Variants in DMD observed in about 807,000 individuals in gnomAD.
The protein encoded by DMD is dystrophin.
In DMD, 63 loss-of-function variants were observed where a neutral mutation model predicts 330.1. The observed-to-expected ratio is 0.19, with a 90% CI of 0.16 to 0.24. The LOEUF is 0.24. DMD is among the 10% of genes least tolerant of loss of function. The pLI is 1.00. For missense variants in DMD, 3,344 were observed against 2,684.1 expected (o/e 1.25, Z -5.43); for synonymous variants, 1,223 against 959.8 (o/e 1.27, Z -5.07).
intron 1 of DMD, among the ~76,000 whole-genome samples, chrX:33,139,766 A>G (rs73190221): frequency 0.077 from 8,275 of 107,914 alleles, 363 homozygotes; most frequent in South Asian, 0.19. Context: ...CTTCCTGTAC[A>G]GCCTATGGAA....
chrX:31,491,128 T>C (rs1023212517), intron 57 of DMD, among the ~76,000 whole-genome samples: 3 of 112,237 alleles, frequency 2.7e-5, no homozygotes, highest in Non-Finnish European at 5.6e-5. Flanking sequence ...ATTTTTTTAA[T>C]TGAAAGATGA....
intron 2 of DMD, among the ~76,000 whole-genome samples, chrX:32,889,084 G>C (rs1232600484): frequency 9.1e-6 from 1 of 110,398 alleles, no homozygotes; most frequent in East Asian, 2.9e-4. Flanking sequence ...GAGAAGGTTG[G>C]GGGTATCCAG....
At chrX:33,301,482 C>A (rs2053660931) in intron 1 of DMD, among the ~76,000 whole-genome samples, 1 of 111,788 alleles carries the variant, frequency 8.9e-6, no homozygotes, top group African/African-American at 3.2e-5. Flanking sequence ...TTCGATTTTA[C>A]AAAATTATGC....
chrX:32,858,150 T>C (rs2149066677), intron 2 of DMD, among the ~76,000 whole-genome samples: 1 of 111,875 alleles, frequency 8.9e-6, no homozygotes, highest in East Asian at 2.8e-4. Context: ...TCTCAGAATA[T>C]TCTACCAGAG....
intron 18 of DMD, among the ~76,000 whole-genome samples, chrX:32,507,014 TG>T (rs2044701178): frequency 8.9e-6 from 1 of 111,909 alleles, no homozygotes; most frequent in Admixed American, 9.5e-5. Context: ...ATGGCATACT[TG>T]TTTTTCACTA....
At chrX:32,934,834 C>T (rs2089869152) in intron 2 of DMD, among the ~76,000 whole-genome samples, 1 of 112,397 alleles carries the variant, frequency 8.9e-6, no homozygotes, top group Non-Finnish European at 1.9e-5. Context: ...CATATCATTG[C>T]CTTTGATTTC....
rs1029461578 is a variant in DMD, at chrX:31,829,578, A to G, written c.7200+7140T>C. ...TATGTTTTCTATCATTAAGACAAGG[A>G]AAAAAGCCTTCTAGAAATAGATATT... On this transcript the variant is annotated intron_variant, in intron 49 of 78. Transcript: ENST00000357033. Among the ~76,000 whole-genome samples, 147 of 111,604 alleles carry G rather than the reference A, an allele frequency of 1.3e-3. 1 individual carries two copies. Among genetic ancestry groups the G allele is most frequent in the Non-Finnish European group, 1.6e-3 (86 of 53,045 alleles).
chrX:33,027,973 A>C (rs2094033948), intron 1 of DMD, among the ~76,000 whole-genome samples: 1 of 112,128 alleles, frequency 8.9e-6, no homozygotes, highest in Non-Finnish European at 1.9e-5. Context: ...TGAAATTATC[A>C]TCAACCTATT....
At chrX:31,172,262 C>G in intron 73 of DMD, 86 bp downstream of exon 73, 1 of 668,716 alleles carries the variant, frequency 1.5e-6, no homozygotes. Context: ...GATGCTAATT[C>G]CTATATCCTG....
intron 62 of DMD, among the ~76,000 whole-genome samples, chrX:31,302,080 T>A (rs2054689284): frequency 8.9e-6 from 1 of 111,929 alleles, no homozygotes; most frequent in African/African-American, 3.2e-5. Context: ...GCAACAAAAC[T>A]CAACAATGAC....
intron 9 of DMD, among the ~76,000 whole-genome samples, chrX:32,678,941 A>C (rs2062164667): frequency 8.9e-6 from 1 of 112,332 alleles, no homozygotes. Flanking sequence ...AAACAAATGT[A>C]CTGAAAGAAA....
chrX:32,481,712 C>T (rs1460031319), intron 21 of DMD, among the ~76,000 whole-genome samples: 1 of 111,764 alleles, frequency 8.9e-6, no homozygotes, highest in Non-Finnish European at 1.9e-5. Flanking sequence ...GTTCTAACAT[C>T]ATCTCCCCAG....
intron 1 of DMD, among the ~76,000 whole-genome samples, chrX:33,194,379 C>CTGG (rs2050812053): frequency 9.1e-6 from 1 of 110,128 alleles, no homozygotes; most frequent in Non-Finnish European, 1.9e-5. Context: ...GGTTTTCTGG[C>CTGG]TGGTCAATTC....
chrX:31,122,767 C>G (rs1326503334), intron 78 of DMD, among the ~76,000 whole-genome samples: 1 of 111,659 alleles, frequency 9.0e-6, no homozygotes, highest in Non-Finnish European at 1.9e-5. Context: ...TAGCCTTTTA[C>G]TAATAATGCA....
intron 1 of DMD, among the ~76,000 whole-genome samples, chrX:33,076,704 T>C (rs1270293298): frequency 1.8e-5 from 2 of 112,012 alleles, no homozygotes; most frequent in Non-Finnish European, 3.8e-5. Flanking sequence ...AATTAGGCCA[T>C]AGGGCAAAGC....
At chrX:31,812,440 A>C (rs1603475464) in intron 50 of DMD, among the ~76,000 whole-genome samples, 1 of 81,746 alleles carries the variant, frequency 1.2e-5, no homozygotes, top group African/African-American at 4.6e-5. Flanking sequence ...GGGGGGAGGG[A>C]TAGCATTAGG....
chrX:33,143,347 C>A (rs1332064543), intron 1 of DMD, among the ~76,000 whole-genome samples: 1 of 110,686 alleles, frequency 9.0e-6, no homozygotes, highest in Non-Finnish European at 1.9e-5. Flanking sequence ...TTTCTCATGG[C>A]AACTTATGAA....
intron 4 of DMD, among the ~76,000 whole-genome samples, chrX:32,829,907 AG>A (rs1956598255): frequency 8.9e-6 from 1 of 112,064 alleles, no homozygotes; most frequent in Non-Finnish European, 1.9e-5. Context: ...CTCCACAAAA[AG>A]CTTTAAGAGG....
intron 71 of DMD, 138 bp downstream of exon 71, chrX:31,177,794 G>T: frequency 1.8e-6 from 1 of 569,136 alleles, no homozygotes. Flanking sequence ...AAAAAAAACT[G>T]AAATGAAGGA....
Sources: gnomAD v4.1 joint callset for allele counts (sites outside exome capture counted in the v4.1 genomes callset) on GRCh38, gnomAD v4.1.1 for gene constraint, MANE v1.5 for transcripts, NCBI Gene and HGNC (gene_info 2026-07-23, HGNC 2026-07-21) for gene names.